Variants in PABPC4L observed in about 807,000 individuals in gnomAD.
The protein encoded by PABPC4L is poly(A) binding protein cytoplasmic 4 like.
For missense variants in PABPC4L, 452 were observed against 451.4 expected (o/e 1.00, Z -0.01); for synonymous variants, 169 against 164.1 (o/e 1.03, Z -0.23).
At chr4:134,004,886 T>C in the PABPC4L span, among the ~76,000 whole-genome samples, 1 of 151,834 alleles carries the variant, frequency 6.6e-6, no homozygotes, top group African/African-American at 2.4e-5. Flanking sequence ...TGATCTCTTA[T>C]ATGTGGAATC....
At chr4:134,137,460 C>T in the PABPC4L span, among the ~76,000 whole-genome samples, 3 of 151,544 alleles carry the variant, frequency 2.0e-5, no homozygotes. Flanking sequence ...TTGATCTTAC[C>T]ATGTTTAGCT....
the PABPC4L span, among the ~76,000 whole-genome samples, chr4:134,082,774 A>C: frequency 6.6e-6 from 1 of 152,080 alleles, no homozygotes; most frequent in African/African-American, 2.4e-5. Flanking sequence ...ATTTTCAAAA[A>C]GTCCCATACA....
chr4:133,956,568 C>T, the PABPC4L span, among the ~76,000 whole-genome samples: 9 of 152,022 alleles, frequency 5.9e-5, no homozygotes, highest in African/African-American at 1.9e-4. Context: ...TTTCTTGAAG[C>T]GGGTCATAAA....
At chr4:134,009,354 G>A in the PABPC4L span, among the ~76,000 whole-genome samples, 7 of 151,870 alleles carry the variant, frequency 4.6e-5, no homozygotes, top group Admixed American at 3.9e-4. Flanking sequence ...TATTTCCCTT[G>A]TTTGTGGACT....
chr4:134,130,427 T>C, the PABPC4L span, among the ~76,000 whole-genome samples: 1 of 151,880 alleles, frequency 6.6e-6, no homozygotes, highest in Admixed American at 6.6e-5. Flanking sequence ...CTAGCAAACA[T>C]ACAGAAGAGG....
chr4:134,090,250 C>T, the PABPC4L span, among the ~76,000 whole-genome samples: 1 of 151,974 alleles, frequency 6.6e-6, no homozygotes, highest in Admixed American at 6.6e-5. Flanking sequence ...GTTACAATTG[C>T]CTGAATAAAT....
chr4:134,073,405 G>A, the PABPC4L span, among the ~76,000 whole-genome samples: 1 of 152,178 alleles, frequency 6.6e-6, no homozygotes, highest in African/African-American at 2.4e-5. Context: ...TAGGCTCCAT[G>A]GCCTTGGGCA....
chr4:134,035,585 A>C, the PABPC4L span, among the ~76,000 whole-genome samples: 1 of 152,014 alleles, frequency 6.6e-6, no homozygotes, highest in Non-Finnish European at 1.5e-5. Context: ...TAAAGGCATA[A>C]TGTTTATTTT....
chr4:133,967,296 C>A, the PABPC4L span, among the ~76,000 whole-genome samples: 1 of 151,714 alleles, frequency 6.6e-6, no homozygotes, highest in Admixed American at 6.6e-5. Flanking sequence ...TATAGCAAGA[C>A]CCAGACTCAA....
At chr4:134,151,911 T>C in the PABPC4L span, among the ~76,000 whole-genome samples, 1 of 151,844 alleles carries the variant, frequency 6.6e-6, no homozygotes, top group Non-Finnish European at 1.5e-5. Context: ...AAAACTATAT[T>C]ATCAGTTAAA....
chr4:134,093,406 T>TTTTCATCCAAGAGTTG, the PABPC4L span, among the ~76,000 whole-genome samples: 1 of 151,748 alleles, frequency 6.6e-6, no homozygotes, highest in Non-Finnish European at 1.5e-5. Context: ...TGCTTTTTCC[T>TTTTCATCCAAGAGTTG]TTTCATCCAA....
At chr4:134,086,806 TC>T in the PABPC4L span, among the ~76,000 whole-genome samples, 1 of 151,938 alleles carries the variant, frequency 6.6e-6, no homozygotes, top group Admixed American at 6.6e-5. Flanking sequence ...TGTTTTTTTT[TC>T]TTTTATTATT....
the PABPC4L span, among the ~76,000 whole-genome samples, chr4:134,143,096 A>C: frequency 6.6e-6 from 1 of 151,462 alleles, no homozygotes; most frequent in Non-Finnish European, 1.5e-5. Flanking sequence ...GAAACTATAC[A>C]CACGAATGAA....
chr4:134,011,730 T>C, the PABPC4L span, among the ~76,000 whole-genome samples: 124,371 of 152,060 alleles, frequency 0.82, 51,410 homozygotes, highest in East Asian at 1. Flanking sequence ...TGCTGATGGC[T>C]TTCTGGTGCA....
chr4:134,176,154 T>C, the PABPC4L span, among the ~76,000 whole-genome samples: 1 of 152,140 alleles, frequency 6.6e-6, no homozygotes, highest in Non-Finnish European at 1.5e-5. Flanking sequence ...AAGTTAATTA[T>C]TCTCTTAAAT....
At chr4:134,057,603 T>G in the PABPC4L span, among the ~76,000 whole-genome samples, 1 of 152,064 alleles carries the variant, frequency 6.6e-6, no homozygotes, top group South Asian at 2.1e-4. Flanking sequence ...TGACTCAGCC[T>G]TTTCTGACAC....
chr4:134,129,825 T>C, the PABPC4L span, among the ~76,000 whole-genome samples: 1 of 151,724 alleles, frequency 6.6e-6, no homozygotes, highest in Non-Finnish European at 1.5e-5. Flanking sequence ...TCTCAGCACT[T>C]TGGGAGGCCA....
the PABPC4L span, among the ~76,000 whole-genome samples, chr4:134,175,368 A>G: frequency 6.6e-6 from 1 of 151,942 alleles, no homozygotes; most frequent in African/African-American, 2.4e-5. Context: ...TTGTTTTATT[A>G]TGATGCCACC....
the PABPC4L span, among the ~76,000 whole-genome samples, chr4:133,997,848 A>G: frequency 3.0e-4 from 45 of 152,274 alleles, no homozygotes; most frequent in Middle Eastern, 3.4e-3. Context: ...CACTTGAGCT[A>G]TGTAATTAAG....
Sources: gnomAD v4.1 joint callset for allele counts (sites outside exome capture counted in the v4.1 genomes callset) on GRCh38, gnomAD v4.1.1 for gene constraint, MANE v1.5 for transcripts, NCBI Gene and HGNC (gene_info 2026-07-23, HGNC 2026-07-21) for gene names.